The following PDIA5 variants were observed in gnomAD, a reference collection of about 807,000 sequenced individuals.
PDIA5 encodes protein disulfide-isomerase A5.
In PDIA5, 58 loss-of-function variants were observed where a neutral mutation model predicts 77.6. The ratio of observed to expected loss-of-function variants is 0.75; its 90% CI spans 0.61 to 0.93. The LOEUF (loss-of-function observed/expected upper bound fraction) is 0.93. Ranked by LOEUF, PDIA5 falls within the 40% of genes least tolerant of loss-of-function variation. The pLI is 0.00. For missense variants in PDIA5, 630 were observed against 647.7 expected, an observed-to-expected ratio of 0.97 and a Z score of 0.30; for synonymous variants, 250 against 252.1, an observed-to-expected ratio of 0.99 and a Z score of 0.08.
At chr3:123,134,937 A>C (rs921343668) in intron 11 of PDIA5, among the ~76,000 whole-genome samples, 1 of 152,084 alleles carries the variant, frequency 6.6e-6, no homozygotes, top group African/African-American at 2.4e-5. Context: ...TCTTGCTAGC[A>C]CTTGGCTTCC....
chr3:123,072,086 A>G (rs1467575862), intron 1 of PDIA5, among the ~76,000 whole-genome samples: 1 of 151,606 alleles, frequency 6.6e-6, no homozygotes, highest in Non-Finnish European at 1.5e-5. Context: ...TGCCCTTTTA[A>G]TAACAAGATC....
In PDIA5 at chr3:123,146,363, A is replaced by G. The variant is rs1373316636; in HGVS notation, c.1142+104A>G. 3.1e-6 allele frequency: 3 copies of G among 954,412 alleles called. No homozygotes were observed. In the Admixed American group the frequency reaches 6.4e-5, roughly 20 times the overall value. 59.1% of individuals were successfully genotyped at this position (954,412 alleles called of 1,614,324 possible). A position where few individuals can be genotyped will look rare whatever the true frequency, so the allele number is the denominator to read the frequency against. The stretch of plus-strand genomic sequence containing the variant: ...ACTTTATGGTCAATGTCCTGGGCTC[A>G]TGCCCGTAGGAGTCAAGACGGATCT... On this transcript the variant is annotated intron_variant, in intron 13 of 16. Transcript: ENST00000316218.
chr3:123,084,252 G>A (rs914067110), intron 1 of PDIA5, among the ~76,000 whole-genome samples: 19 of 152,026 alleles, frequency 1.2e-4, no homozygotes, highest in African/African-American at 3.6e-4. Flanking sequence ...CATTATCACC[G>A]CAGCTCCTGT....
At chr3:123,140,358 A>G (rs1183060114) in intron 11 of PDIA5, among the ~76,000 whole-genome samples, 3 of 151,092 alleles carry the variant, frequency 2.0e-5, no homozygotes. Flanking sequence ...AAGCAAAGGG[A>G]TCTGATCTGA....
At chr3:123,104,164 A>T (rs1237064806) in intron 5 of PDIA5, among the ~76,000 whole-genome samples, 2 of 152,126 alleles carry the variant, frequency 1.3e-5, no homozygotes, top group African/African-American at 4.8e-5. Context: ...CGTTCTCTTG[A>T]CCTTCCCGTG....
In PDIA5 at chr3:123,158,316, T is replaced by C. The variant is rs187179604; in HGVS notation, c.1345-3005T>C. ...GTGATTGAATCTTAGAGAGATCATA[T>C]GCTAGTTTCTCAGCTGGAGAGGGGC... On this transcript the variant is annotated intron_variant, in intron 15 of 16. Coordinates refer to ENST00000316218, the MANE Select transcript of PDIA5 (RefSeq NM_006810.4). Among the ~76,000 whole-genome samples, 8 of 152,342 alleles carry C rather than the reference T, an allele frequency of 5.3e-5. No homozygotes were observed. The East Asian group carries it at 1.2e-3, about 22-fold the overall frequency.
chr3:123,126,047 C>T (rs866914211), intron 10 of PDIA5, among the ~76,000 whole-genome samples: 1 of 152,172 alleles, frequency 6.6e-6, no homozygotes, highest in Non-Finnish European at 1.5e-5. Context: ...CCTTCTCTAA[C>T]CTTTTCTGAT....
chr3:123,097,448 A>G (rs1934471774), intron 3 of PDIA5, among the ~76,000 whole-genome samples: 1 of 152,034 alleles, frequency 6.6e-6, no homozygotes, highest in Non-Finnish European at 1.5e-5. Context: ...CTTGTGATGT[A>G]CCTTCTTGAG....
chr3:123,087,253 A>AT (rs1934163251), intron 1 of PDIA5, among the ~76,000 whole-genome samples: 1 of 152,068 alleles, frequency 6.6e-6, no homozygotes, highest in South Asian at 2.1e-4. Flanking sequence ...GGCTCAAGTG[A>AT]TTCTCCTGCC....
intron 5 of PDIA5, among the ~76,000 whole-genome samples, chr3:123,106,221 C>T (rs1934729799): frequency 6.6e-6 from 1 of 152,178 alleles, no homozygotes; most frequent in African/African-American, 2.4e-5. Flanking sequence ...GGATTTAATC[C>T]ACTCCAAAAC....
At chr3:123,078,976 G>A (rs1013883978) in intron 1 of PDIA5, among the ~76,000 whole-genome samples, 8 of 152,044 alleles carry the variant, frequency 5.3e-5, no homozygotes, top group African/African-American at 1.9e-4. Context: ...ATACTTTGAG[G>A]CAGTTAATTA....
intron 1 of PDIA5, among the ~76,000 whole-genome samples, chr3:123,072,766 G>A (rs1033200923): frequency 7.9e-5 from 12 of 152,168 alleles, no homozygotes; most frequent in African/African-American, 2.4e-4. Flanking sequence ...ATTCTGTTGG[G>A]CTCTTGTGTC....
chr3:123,128,476 A>G (rs1363941640), intron 10 of PDIA5, among the ~76,000 whole-genome samples: 1 of 152,098 alleles, frequency 6.6e-6, no homozygotes, highest in Non-Finnish European at 1.5e-5. Flanking sequence ...TGAGTCAATT[A>G]CATTCACATA....
intron 11 of PDIA5, among the ~76,000 whole-genome samples, chr3:123,140,428 G>A (rs1011499719): frequency 2.6e-5 from 4 of 152,306 alleles, no homozygotes; most frequent in East Asian, 1.9e-4. Context: ...CAATATCACA[G>A]TCACAAAGCA....
intron 1 of PDIA5, among the ~76,000 whole-genome samples, chr3:123,076,550 G>A (rs967980997): frequency 2.6e-5 from 4 of 152,216 alleles, no homozygotes; most frequent in Admixed American, 1.3e-4. Context: ...GTTGAGACCT[G>A]AAGGGTGGAA....
At chr3:123,133,277 C>A (rs1935413995) in intron 11 of PDIA5, among the ~76,000 whole-genome samples, 2 of 152,206 alleles carry the variant, frequency 1.3e-5, no homozygotes, top group Non-Finnish European at 2.9e-5. Flanking sequence ...CAGTGTCATC[C>A]TGCGTTTCCT....
At chr3:123,099,130 G>A (rs1467428702) in intron 3 of PDIA5, among the ~76,000 whole-genome samples, 6 of 152,248 alleles carry the variant, frequency 3.9e-5, no homozygotes, top group African/African-American at 1.4e-4. Context: ...GGGGAGCAGT[G>A]CTGAGAGAAC....
chr3:123,100,930 C>T (rs566192535), intron 3 of PDIA5, among the ~76,000 whole-genome samples: 5 of 152,292 alleles, frequency 3.3e-5, no homozygotes, highest in Admixed American at 3.3e-4. Flanking sequence ...AACAAAGTTC[C>T]CCAAAAGATG....
intron 15 of PDIA5, among the ~76,000 whole-genome samples, chr3:123,155,789 T>C (rs1183930760): frequency 6.6e-6 from 1 of 152,126 alleles, no homozygotes; most frequent in African/African-American, 2.4e-5. Context: ...TCACGTGGGA[T>C]CTGCATTCAC....
Sources: allele counts gnomAD v4.1 joint callset (sites outside exome capture counted in the v4.1 genomes callset), GRCh38; gene constraint gnomAD v4.1.1; transcripts MANE v1.5; gene names NCBI Gene and HGNC (gene_info 2026-07-23, HGNC 2026-07-21).